Variants in PDYN observed in about 807,000 individuals in gnomAD.
PDYN encodes the protein prodynorphin, also known as proenkephalin-B.
A neutral mutation model predicts 11.4 loss-of-function variants in PDYN; 5 were observed. That is an observed-to-expected ratio of 0.44 (90% confidence interval 0.23 to 0.92). PDYN has a LOEUF of 0.92. Among genes scored for constraint, PDYN ranks in the 40% least tolerant of loss-of-function variants. The pLI, the probability that PDYN is intolerant of heterozygous loss-of-function variation, is 0.24. For missense variants in PDYN, 337 were observed against 317.3 expected, an observed-to-expected ratio of 1.06 and a Z score of -0.47; for synonymous variants, 132 against 129.5, an observed-to-expected ratio of 1.02 and a Z score of -0.13.
At chr20:1,981,814 T>C (rs564876371) in intron 3 of PDYN, among the ~76,000 whole-genome samples, 173 of 151,032 alleles carry the variant, frequency 1.1e-3, no homozygotes, top group African/African-American at 4.1e-3. Flanking sequence ...TAGTCTCAGC[T>C]ACTCGGGAGG....
chr20:1,983,737 G>A (rs973529003), intron 2 of PDYN, among the ~76,000 whole-genome samples: 7 of 152,102 alleles, frequency 4.6e-5, no homozygotes, highest in South Asian at 2.1e-4. Flanking sequence ...CTGAAATGCC[G>A]GTCTTGGCAA....
At chr20:1,981,901 G>A (rs1987825642) in intron 3 of PDYN, among the ~76,000 whole-genome samples, 1 of 151,212 alleles carries the variant, frequency 6.6e-6, no homozygotes, top group South Asian at 2.1e-4. Context: ...ACTCCAGCCT[G>A]GGCAACAGAG....
At chr20:1,989,852 C>A (rs1348935257) in intron 2 of PDYN, among the ~76,000 whole-genome samples, 1 of 152,202 alleles carries the variant, frequency 6.6e-6, no homozygotes, top group Non-Finnish European at 1.5e-5. Flanking sequence ...CCTGCAATGA[C>A]AACCATCCTA....
rs548030659 is a variant in PDYN at position 1,991,766 on chromosome 20, C to T, written c.-20+818G>A. ...AATGATGGAAGAGATCTAATAAATA[C>T]GACAATTGTGCAGGAATGACCCAAG... On this transcript the variant is annotated intron_variant, in intron 2 of 3. Coordinates refer to ENST00000217305, the MANE Select transcript of PDYN (RefSeq NM_024411.5). Among the ~76,000 whole-genome samples the T allele has an allele frequency of 2.9e-4, 44 of 152,202 alleles. 1 individual carries two copies. The South Asian group carries it at 7.5e-3, about 26-fold the overall frequency.
At chr20:1,982,471 A>C (rs28617253) in intron 3 of PDYN, among the ~76,000 whole-genome samples, 25,198 of 151,808 alleles carry the variant, frequency 0.17, 2,605 homozygotes, top group African/African-American at 0.3. Flanking sequence ...AACTTAACTC[A>C]AAGGAAAGCC....
intron 2 of PDYN, among the ~76,000 whole-genome samples, chr20:1,983,361 A>G (rs1338534556): frequency 1.3e-5 from 2 of 152,196 alleles, no homozygotes; most frequent in Admixed American, 6.5e-5. Context: ...TAGTTCTTCA[A>G]TGTGGGCTGT....
At chr20:1,984,214 T>C (rs1349640036) in intron 2 of PDYN, among the ~76,000 whole-genome samples, 5 of 152,242 alleles carry the variant, frequency 3.3e-5, no homozygotes, top group African/African-American at 9.6e-5. Flanking sequence ...TCAGGGCCTT[T>C]GCACTTTCTG....
At chr20:1,991,908 C>T (rs1467803099) in intron 2 of PDYN, among the ~76,000 whole-genome samples, 1 of 152,048 alleles carries the variant, frequency 6.6e-6, no homozygotes, top group Non-Finnish European at 1.5e-5. Context: ...AAAGGAGCAC[C>T]AGCCCCTCAA....
In PDYN at chr20:1,991,907, C is replaced by T. The variant is rs8117115; in HGVS notation, c.-20+677G>A. 9.4e-3 allele frequency among the ~76,000 whole-genome samples: 1,423 copies of T among 152,182 alleles called. 19 individuals carry two copies. Among genetic ancestry groups the T allele is most frequent in the African/African-American group, 0.033 (1,354 of 41,502 alleles). On this transcript the variant is annotated intron_variant, in intron 2 of 3. Coordinates refer to ENST00000217305, the MANE Select transcript of PDYN (RefSeq NM_024411.5). ...CTGGGATGGGGAGGGGAAAGGAGCA[C>T]CAGCCCCTCAAATGAAAATATTAGA... is the stretch of plus-strand genomic sequence containing the variant.
chr20:1,989,305 T>C (rs1356577645), intron 2 of PDYN, among the ~76,000 whole-genome samples: 1 of 152,130 alleles, frequency 6.6e-6, no homozygotes, highest in East Asian at 1.9e-4. Context: ...TCCTGGCAAA[T>C]ACTGAGAGGA....
At chr20:1,986,274 G>C (rs1307955232) in intron 2 of PDYN, among the ~76,000 whole-genome samples, 4 of 152,208 alleles carry the variant, frequency 2.6e-5, no homozygotes, top group African/African-American at 9.7e-5. Context: ...CTACCAGGCT[G>C]TCTGGCTCCA....
At chr20:1,991,971 T>G (rs1988468388) in intron 2 of PDYN, among the ~76,000 whole-genome samples, 1 of 152,096 alleles carries the variant, frequency 6.6e-6, no homozygotes, top group African/African-American at 2.4e-5. Flanking sequence ...CACAGCATGA[T>G]GGAGTGGGAT....
intron 3 of PDYN, among the ~76,000 whole-genome samples, chr20:1,981,249 C>G (rs1308783393): frequency 6.6e-6 from 1 of 152,222 alleles, no homozygotes; most frequent in Non-Finnish European, 1.5e-5. Flanking sequence ...TGCGTGCTCA[C>G]CTTTCCCCCT....
At position 1,980,788 on chromosome 20, in the gene PDYN, C is replaced by A. The variant is rs182230231; in HGVS notation, c.300G>T (p.Gly100=). ...GPYSELAKLS[G]SFLKELEKSK... ...TTTTCTCCAGCTCCTTCAGGAATGACCCAGAGAGCTTGGCCAGCTCACTGT... is the reference window on the plus strand; with the variant it reads ...TTTTCTCCAGCTCCTTCAGGAATGAACCAGAGAGCTTGGCCAGCTCACTGT... Residue 100 remains glycine (G), a synonymous_variant, in exon 4 of 4, where the codon GGG becomes GGT. Coordinates refer to ENST00000217305, the MANE Select transcript of PDYN (RefSeq NM_024411.5). The A allele has an allele frequency of 3.1e-5, 50 of 1,614,156 alleles. No homozygotes were observed. The East Asian group carries it at 9.4e-4, about 30-fold the overall frequency.
chr20:1,991,278 T>C (rs1988434130), intron 2 of PDYN, among the ~76,000 whole-genome samples: 1 of 152,198 alleles, frequency 6.6e-6, no homozygotes, highest in Non-Finnish European at 1.5e-5. Context: ...AGGGACCAAA[T>C]GGCAGTTCAA....
Position 1,980,019 on chromosome 20 carries a change from T to G in PDYN, c.*304A>C. 1 of 455,074 alleles carries G rather than the reference T, an allele frequency of 2.2e-6. No individual in the cohort carries two copies. Among genetic ancestry groups the G allele is most frequent in the Non-Finnish European group, 4.1e-6 (1 of 245,654 alleles). The allele number at this position is 455,074 out of a possible 1,614,324, so 28.2% of individuals were successfully genotyped here. A position where few individuals can be genotyped will look rare whatever the true frequency, so the allele number is the denominator to read the frequency against. On this transcript the variant is annotated 3_prime_UTR_variant, in exon 4 of 4. Transcript: ENST00000217305. ...GGAATTGAGGAGTCACGTGAACAGG[T>G]TGGAAGGACAGATCACAAACTGCTG...
intron 2 of PDYN, among the ~76,000 whole-genome samples, chr20:1,991,698 G>A (rs1235682530): frequency 1.3e-5 from 2 of 152,180 alleles, no homozygotes; most frequent in East Asian, 3.9e-4. Flanking sequence ...CACTTTGTCA[G>A]GCATGCATTG....
chr20:1,980,869 G>A lies in PDYN; in HGVS notation c.219C>T (p.Thr73=). ...QSFLSFFTPS[T]LGLNDKEDLG... Reference sequence around the variant, plus strand: ...AGTCCTCCTTGTCATTGAGCCCAAGGGTGGAGGGGGTGAAAAAAGACAGAA... The same window carrying A: ...AGTCCTCCTTGTCATTGAGCCCAAGAGTGGAGGGGGTGAAAAAAGACAGAA... The change falls in exon 4 of 4, where the codon ACC becomes ACT. Residue 73 remains threonine, a synonymous_variant. Transcript: ENST00000217305. The A allele has an allele frequency of 6.2e-7, 1 of 1,614,200 alleles. No individual in the cohort carries two copies. Among genetic ancestry groups the A allele is most frequent in the Non-Finnish European group, 8.5e-7 (1 of 1,180,026 alleles).
rs377075531 is a variant in PDYN, at chr20:1,980,549, C to T, written c.539G>A (p.Arg180His). 31 of 1,613,686 alleles carry T rather than the reference C, an allele frequency of 1.9e-5. No individual in the cohort carries two copies. Among genetic ancestry groups the T allele is most frequent in the East Asian group, 4.5e-5 (2 of 44,872 alleles). ...EQVKRYGGFL[R>H]KYPKRSSEVA... Reference sequence around the variant, plus strand: ...CTCTGAGCTCCTCTTGGGGTATTTGCGCAAAAAGCCCCCATAGCGTTTGAC... The same window carrying T: ...CTCTGAGCTCCTCTTGGGGTATTTGTGCAAAAAGCCCCCATAGCGTTTGAC... The change falls in exon 4 of 4, where the codon CGC becomes CAC. Residue 180 changes from arginine (R) to histidine (H), a missense_variant. Physicochemically the swap from Arg to His is conservative, Grantham distance 29 (BLOSUM62 0). Transcript: ENST00000217305.
Sources: allele counts gnomAD v4.1 joint callset (sites outside exome capture counted in the v4.1 genomes callset), GRCh38; gene constraint gnomAD v4.1.1; transcripts MANE v1.5; gene names NCBI Gene and HGNC (gene_info 2026-07-23, HGNC 2026-07-21).